The following DACH2 variants were observed in gnomAD, a reference collection of about 807,000 sequenced individuals.
The protein encoded by DACH2 is dachshund family transcription factor 2.
Under a neutral mutation model 35.8 loss-of-function variants are expected in DACH2, and 17 were observed. The observed-to-expected ratio is 0.48, with a 90% CI of 0.33 to 0.71. The LOEUF (loss-of-function observed/expected upper bound fraction) is 0.71. DACH2 is among the 30% of genes least tolerant of loss of function. The probability of loss-of-function intolerance (pLI) is 0.02; values close to 1 mark genes in which losing one functional copy is unlikely to be tolerated. For synonymous variants in DACH2, 195 were observed against 177.3 expected (o/e 1.10, Z -0.79); for missense variants, 469 against 472.7 (o/e 0.99, Z 0.07).
At chrX:86,590,120 G>T (rs1257612472) in intron 3 of DACH2, among the ~76,000 whole-genome samples, 1 of 111,625 alleles carries the variant, frequency 9.0e-6, no homozygotes, top group Non-Finnish European at 1.9e-5. Context: ...CTCTGAGGAG[G>T]GATCACTGTC....
intron 2 of DACH2, among the ~76,000 whole-genome samples, chrX:86,427,354 G>A (rs2036910950): frequency 9.0e-6 from 1 of 111,319 alleles, no homozygotes; most frequent in Non-Finnish European, 1.9e-5. Context: ...CTGATGAATA[G>A]AAAATTGTTG....
intron 3 of DACH2, among the ~76,000 whole-genome samples, chrX:86,581,941 C>A (rs944305962): frequency 1.8e-5 from 2 of 111,755 alleles, no homozygotes; most frequent in African/African-American, 3.2e-5. Context: ...ATGGCACAGA[C>A]TCTAAAATTG....
chrX:86,378,253 T>C (rs1206155778), intron 2 of DACH2, among the ~76,000 whole-genome samples: 1 of 110,054 alleles, frequency 9.1e-6, no homozygotes. Context: ...CATATATATA[T>C]ATAATATTTT....
At chrX:86,819,153 T>C (rs1363995300) in intron 11 of DACH2, among the ~76,000 whole-genome samples, 4 of 109,586 alleles carry the variant, frequency 3.7e-5, no homozygotes, top group African/African-American at 1.3e-4. Flanking sequence ...ATAGACCAAG[T>C]TTCCATAAAA....
intron 4 of DACH2, among the ~76,000 whole-genome samples, chrX:86,690,829 T>C (rs995038944): frequency 8.9e-6 from 1 of 111,947 alleles, no homozygotes; most frequent in Non-Finnish European, 1.9e-5. Context: ...ATTAAATTAG[T>C]TAGTGTTAAT....
chrX:86,538,308 T>G (rs2038831587), intron 3 of DACH2, among the ~76,000 whole-genome samples: 1 of 111,556 alleles, frequency 9.0e-6, no homozygotes, highest in Non-Finnish European at 1.9e-5. Flanking sequence ...TTTTGAGCCC[T>G]CACCAAAATT....
In DACH2 at chrX:86,401,620, A is replaced by G; in HGVS notation, c.527+24758A>G. On this transcript the variant is annotated intron_variant, in intron 2 of 11. Coordinates refer to ENST00000373125, the MANE Select transcript of DACH2 (RefSeq NM_053281.3). ...CATAAATAGGCAAAAGTGGCATGAG[A>G]ATATTTATTACATTATTCATGAACA... 2.7e-5 allele frequency among the ~76,000 whole-genome samples: 3 copies of G among 110,759 alleles called. No individual in the cohort carries two copies. The Middle Eastern group carries it at 0.014, about 510-fold the overall frequency.
At position 86,431,130 on chromosome X, in the gene DACH2, A is replaced by G. The variant is rs182697952; in HGVS notation, c.527+54268A>G. Among the ~76,000 whole-genome samples, 21 of 111,327 alleles carry G rather than the reference A, an allele frequency of 1.9e-4. No homozygotes were observed. In the East Asian group the frequency reaches 5.7e-3, roughly 30 times the overall value. On this transcript the variant is annotated intron_variant, in intron 2 of 11. Coordinates refer to ENST00000373125, the MANE Select transcript of DACH2 (RefSeq NM_053281.3). Reference sequence around the variant, plus strand: ...GGTAATCATGTGTAGTGATTTTTTTATGGGTTTATAGTTTCTCCAAAGAGA... The same window carrying G: ...GGTAATCATGTGTAGTGATTTTTTTGTGGGTTTATAGTTTCTCCAAAGAGA...
At position 86,514,190 on chromosome X, in the gene DACH2, A is replaced by G. The variant is rs1413379948; in HGVS notation, c.528-89A>G. Reference sequence around the variant, plus strand: ...ATTCTATCACTTTTGGCAATTAAACAAGATTTAAAAGGTAAATATTGCAAG... The same window carrying G: ...ATTCTATCACTTTTGGCAATTAAACGAGATTTAAAAGGTAAATATTGCAAG... On this transcript the variant is annotated intron_variant, in intron 2 of 11. Transcript: ENST00000373125. 4 of 837,322 alleles carry G rather than the reference A, an allele frequency of 4.8e-6. No individual in the cohort carries two copies. In the Admixed American group the frequency reaches 8.5e-5, roughly 18 times the overall value. 69.0% of individuals were successfully genotyped at this position (837,322 alleles called of 1,213,427 possible).
At chrX:86,369,716 A>G (rs1371483422) in intron 1 of DACH2, among the ~76,000 whole-genome samples, 2 of 111,687 alleles carry the variant, frequency 1.8e-5, no homozygotes, top group Admixed American at 1.9e-4. Flanking sequence ...ATTTATTTTC[A>G]TGAATAGCTT....
At chrX:86,375,386 CAT>C (rs746039983) in intron 1 of DACH2, among the ~76,000 whole-genome samples, 3,040 of 95,545 alleles carry the variant, frequency 0.032, 115 homozygotes, top group African/African-American at 0.11. Context: ...ATATATAATA[CAT>C]ATATATATAT....
intron 1 of DACH2, among the ~76,000 whole-genome samples, chrX:86,330,972 A>G (rs1030353112): frequency 2.7e-5 from 3 of 111,949 alleles, no homozygotes; most frequent in African/African-American, 9.7e-5. Flanking sequence ...TACTATTTAC[A>G]CATGAAATTT....
intron 3 of DACH2, among the ~76,000 whole-genome samples, chrX:86,532,363 C>T (rs1434938303): frequency 9.0e-6 from 1 of 110,756 alleles, no homozygotes; most frequent in Non-Finnish European, 1.9e-5. Flanking sequence ...AATTGCAATC[C>T]CTATGTGTCA....
At chrX:86,697,126 C>A in intron 5 of DACH2, among the ~76,000 whole-genome samples, 1 of 111,591 alleles carries the variant, frequency 9.0e-6, no homozygotes, top group Non-Finnish European at 1.9e-5. Flanking sequence ...TTGTGAAAGT[C>A]ACAGCCCAAG....
intron 1 of DACH2, among the ~76,000 whole-genome samples, chrX:86,349,115 C>G (rs1402882638): frequency 8.9e-6 from 1 of 112,022 alleles, no homozygotes; most frequent in East Asian, 2.8e-4. Context: ...AGAATTGGAT[C>G]ACTCGTGGGC....
intron 1 of DACH2, among the ~76,000 whole-genome samples, chrX:86,275,173 T>A (rs1370678849): frequency 2.7e-5 from 3 of 112,034 alleles, no homozygotes; most frequent in East Asian, 5.6e-4. Context: ...CTGTTTTACA[T>A]ATAACGAAGC....
intron 2 of DACH2, among the ~76,000 whole-genome samples, chrX:86,419,296 C>A (rs1049562331): frequency 8.9e-6 from 1 of 111,822 alleles, no homozygotes; most frequent in African/African-American, 3.3e-5. Context: ...CATTTTCATG[C>A]TGCCGTTAAA....
At chrX:86,192,413 G>A (rs2031858179) in intron 1 of DACH2, among the ~76,000 whole-genome samples, 1 of 111,917 alleles carries the variant, frequency 8.9e-6, no homozygotes, top group Admixed American at 9.5e-5. Flanking sequence ...CATGCAAATA[G>A]CTGCTTTTAA....
At chrX:86,719,209 T>G (rs1342422145) in intron 6 of DACH2, among the ~76,000 whole-genome samples, 8 of 112,398 alleles carry the variant, frequency 7.1e-5, no homozygotes, top group Non-Finnish European at 1.1e-4. Context: ...AAATTATTCT[T>G]AGTTTATTTT....
Sources: gnomAD v4.1 joint callset for allele counts (sites outside exome capture counted in the v4.1 genomes callset) on GRCh38, gnomAD v4.1.1 for gene constraint, MANE v1.5 for transcripts, NCBI Gene and HGNC (gene_info 2026-07-23, HGNC 2026-07-21) for gene names.